Variants in ZNF730 observed in about 807,000 individuals in gnomAD.
ZNF730 encodes the protein zinc finger protein 730, also known as putative zinc finger protein 730.
ZNF730 carries 12 observed loss-of-function variants against 12.6 expected under a neutral mutation model. The ratio of observed to expected loss-of-function variants is 0.95; its 90% CI spans 0.61 to 1.54. The LOEUF (loss-of-function observed/expected upper bound fraction) is 1.54. ZNF730 is among the 40% of genes most tolerant of loss of function. The probability of loss-of-function intolerance (pLI) is 0.00; values close to 1 mark genes in which losing one functional copy is unlikely to be tolerated. For missense variants in ZNF730, 643 were observed against 583.5 expected (o/e 1.10, Z -1.05); for synonymous variants, 194 against 195.8 (o/e 0.99, Z 0.08).
intron 2 of ZNF730, among the ~76,000 whole-genome samples, chr19:23,134,608 T>C (rs1307567574): frequency 1.4e-4 from 9 of 66,340 alleles, no homozygotes; most frequent in Admixed American, 3.2e-4. Context: ...GGGGGGGGGG[T>C]CAGCCCCCCG....
intron 1 of ZNF730, among the ~76,000 whole-genome samples, chr19:23,110,790 A>G (rs1970452663): frequency 6.6e-6 from 1 of 152,216 alleles, no homozygotes; most frequent in Admixed American, 6.5e-5. Context: ...GAAGAGATTG[A>G]TTCTTATAAA....
chr19:23,078,034 T>C (rs536887692), intron 1 of ZNF730, among the ~76,000 whole-genome samples: 2 of 152,300 alleles, frequency 1.3e-5, no homozygotes, highest in East Asian at 3.9e-4. Context: ...AATACACTGC[T>C]GAAGGCCGCA....
rs757951139 is a variant in ZNF730, at chr19:23,145,741, T to C, written c.697T>C (p.Cys233Arg). Reference sequence around the variant, plus strand: ...GAAAAAACCTTACAAATGTAAAGAATGTGGCAAAGCCTTTAACTGGTTTTC... The same window carrying C: ...GAAAAAACCTTACAAATGTAAAGAACGTGGCAAAGCCTTTAACTGGTTTTC... ...TEKKPYKCKE[C>R]GKAFNWFSHF... The change falls in exon 4 of 4, where the codon TGT becomes CGT. Residue 233 changes from cysteine (C) to arginine (R), a missense_variant. Cys to Arg is a radical substitution (Grantham distance 180). Transcript: ENST00000597761. The C allele has an allele frequency of 2.1e-5, 33 of 1,562,496 alleles. No individual in the cohort carries two copies. The highest frequency in any genetic ancestry group is 2.8e-5 in the Non-Finnish European group (32 of 1,155,200).
At chr19:23,094,639 A>G (rs551494291) in intron 1 of ZNF730, among the ~76,000 whole-genome samples, 1 of 151,802 alleles carries the variant, frequency 6.6e-6, no homozygotes, top group East Asian at 1.9e-4. Flanking sequence ...ACACCCAGCT[A>G]ACTTTTGTAT....
rs182053133 is a variant in ZNF730 at position 23,104,243 on chromosome 19, A to T, written c.-94+28856A>T. Among the ~76,000 whole-genome samples, 3 of 150,142 alleles carry T rather than the reference A, an allele frequency of 2.0e-5. No homozygotes were observed. The East Asian group carries it at 6.0e-4, about 30-fold the overall frequency. On this transcript the variant is annotated intron_variant, in intron 1 of 2. Coordinates refer to the ZNF730 transcript ENST00000593635. ...CTTGAACCTGGGAGGCGGAGGTTGC[A>T]GTGAGCTGAGATCACACCACTGCAC...
At chr19:23,087,192 G>A (rs968333553) in intron 1 of ZNF730, among the ~76,000 whole-genome samples, 1 of 152,196 alleles carries the variant, frequency 6.6e-6, no homozygotes, top group African/African-American at 2.4e-5. Flanking sequence ...TGGATCACCT[G>A]AGATCAGGTG....
At chr19:23,092,573 C>A (rs1290475820) in intron 1 of ZNF730, among the ~76,000 whole-genome samples, 1 of 152,042 alleles carries the variant, frequency 6.6e-6, no homozygotes, top group Non-Finnish European at 1.5e-5. Flanking sequence ...TGGGCAAGAG[C>A]AAAACTCCAT....
intron 1 of ZNF730, chr19:23,126,661 G>GTTTT (rs59629245): frequency 8.9e-4 from 365 of 412,064 alleles, no homozygotes; most frequent in East Asian, 1.9e-3. Context: ...AGTTCCACTA[G>GTTTT]TTTTTTTTTT....
chr19:23,093,096 T>G (rs1970183999), intron 1 of ZNF730, among the ~76,000 whole-genome samples: 1 of 152,154 alleles, frequency 6.6e-6, no homozygotes, highest in African/African-American at 2.4e-5. Context: ...GTTCAAGTGA[T>G]TCTTCTGCCT....
chr19:23,135,511 ATTTTTTTTAT>A (rs1970816338), intron 2 of ZNF730, among the ~76,000 whole-genome samples: 1 of 151,528 alleles, frequency 6.6e-6, no homozygotes, highest in Admixed American at 6.6e-5. Flanking sequence ...TCTTTTCTTT[ATTTTTTTTAT>A]TTTTTTGGAG....
chr19:23,084,449 G>A (rs1394987106), intron 1 of ZNF730, among the ~76,000 whole-genome samples: 5 of 152,162 alleles, frequency 3.3e-5, no homozygotes, highest in African/African-American at 4.8e-5. Flanking sequence ...GAAAATACTG[G>A]CCGATTCTTC....
At chr19:23,136,549 C>T (rs1970835345) in intron 3 of ZNF730, among the ~76,000 whole-genome samples, 2 of 152,104 alleles carry the variant, frequency 1.3e-5, no homozygotes, top group South Asian at 2.1e-4. Context: ...GGATTACAGG[C>T]GTGCATCACC....
At chr19:23,088,586 C>A (rs1262925256) in intron 1 of ZNF730, among the ~76,000 whole-genome samples, 1 of 151,858 alleles carries the variant, frequency 6.6e-6, no homozygotes, top group African/African-American at 2.4e-5. Flanking sequence ...ACCTCAGCCT[C>A]CCGAGTAGCT....
chr19:23,106,475 G>A (rs753265129), intron 1 of ZNF730, among the ~76,000 whole-genome samples: 32 of 152,112 alleles, frequency 2.1e-4, no homozygotes, highest in South Asian at 1.2e-3. Context: ...TAATAGAAAT[G>A]TATTACCTAA....
In ZNF730 at chr19:23,145,706, G is replaced by A; in HGVS notation, c.662G>A (p.Arg221Lys). The A allele has an allele frequency of 6.4e-7, 1 of 1,554,684 alleles. No homozygotes were observed. The highest frequency in any genetic ancestry group is 8.7e-7 in the Non-Finnish European group (1 of 1,150,996). ...TCCTCAAACTGTACTACACATAAAA[G>A]AATTACTGAGAAAAAACCTTACAAA... is the stretch of plus-strand genomic sequence containing the variant. Reference protein sequence around the residue: ...NESSNCTTHKRITEKKPYKCK... With the variant: ...NESSNCTTHKKITEKKPYKCK... Residue 221 changes from arginine (R) to lysine (K), a missense_variant, in exon 4 of 4, where the codon AGA (arginine) becomes AAA (lysine). Physicochemically the swap from Arg to Lys is conservative, Grantham distance 26. Coordinates refer to ENST00000597761, the MANE Select transcript of ZNF730 (RefSeq NM_001277403.2).
intron 1 of ZNF730, chr19:23,123,669 A>G (rs913229924): frequency 8.3e-6 from 1 of 121,130 alleles, no homozygotes; most frequent in Non-Finnish European, 1.8e-5. Flanking sequence ...GAGAGTAGCC[A>G]TGCATTTTGA....
At chr19:23,106,532 C>T (rs1243401613) in intron 1 of ZNF730, among the ~76,000 whole-genome samples, 4 of 151,872 alleles carry the variant, frequency 2.6e-5, no homozygotes, top group Non-Finnish European at 5.9e-5. Context: ...TTGCTCATGC[C>T]TGTAATCCCA....
In ZNF730 at chr19:23,145,945, G is replaced by C; in HGVS notation, c.901G>C (p.Glu301Gln). The C allele has an allele frequency of 1.3e-6, 2 of 1,593,068 alleles. No individual in the cohort carries two copies. The highest frequency in any genetic ancestry group is 2.3e-5 in the South Asian group (2 of 88,106). Reference protein sequence around the residue: ...KAFNQSSNLTEHKKIHTKEQP... With the variant: ...KAFNQSSNLTQHKKIHTKEQP... ...CTTTAACCAGTCCTCAAACCTTACT[G>C]AACATAAGAAAATTCATACTAAAGA... The change falls in exon 4 of 4, where the codon GAA becomes CAA. Residue 301 changes from glutamate to glutamine, a missense_variant. Transcript: ENST00000597761.
chr19:23,094,614 C>T (rs936310775), intron 1 of ZNF730, among the ~76,000 whole-genome samples: 1 of 152,138 alleles, frequency 6.6e-6, no homozygotes, highest in African/African-American at 2.4e-5. Context: ...TCTGGGATTA[C>T]AGGCGTGTGC....
Sources: gnomAD v4.1 joint callset for allele counts (sites outside exome capture counted in the v4.1 genomes callset) on GRCh38, gnomAD v4.1.1 for gene constraint, MANE v1.5 for transcripts, NCBI Gene and HGNC (gene_info 2026-07-23, HGNC 2026-07-21) for gene names.